TRAPPC9: variants seen among roughly 807,000 people sequenced by gnomAD.
The protein encoded by TRAPPC9 is IKK2 binding protein.
In TRAPPC9, 83 loss-of-function variants were observed where a neutral mutation model predicts 124.0. The ratio of observed to expected loss-of-function variants is 0.67; its 90% confidence interval spans 0.56 to 0.80. The LOEUF is 0.80. Ranked by LOEUF, TRAPPC9 falls within the 30% of genes least tolerant of loss-of-function variation. The probability of loss-of-function intolerance (pLI) is 0.00; values close to 1 mark genes in which losing one functional copy is unlikely to be tolerated. For synonymous variants in TRAPPC9, 638 were observed against 617.5 expected, an observed-to-expected ratio of 1.03 and a Z score of -0.49; for missense variants, 1,302 against 1,508.3, an observed-to-expected ratio of 0.86 and a Z score of 2.27.
At chr8:140,174,037 T>C (rs934402105) in intron 17 of TRAPPC9, among the ~76,000 whole-genome samples, 1 of 152,178 alleles carries the variant, frequency 6.6e-6, no homozygotes, top group African/African-American at 2.4e-5. Flanking sequence ...TTATAATCAT[T>C]ATTCAGAAGA....
chr8:139,968,847 C>T (rs974603426), intron 19 of TRAPPC9, among the ~76,000 whole-genome samples: 1 of 152,176 alleles, frequency 6.6e-6, no homozygotes, highest in African/African-American at 2.4e-5. Flanking sequence ...CCCGAGATTA[C>T]ACCACATGCA....
chr8:139,892,142 G>C (rs923781283), intron 20 of TRAPPC9, among the ~76,000 whole-genome samples: 13 of 152,360 alleles, frequency 8.5e-5, no homozygotes, highest in African/African-American at 3.1e-4. Flanking sequence ...CCGCACAAAG[G>C]CAAGGCTGCT....
At chr8:139,945,729 G>C (rs531761792) in intron 19 of TRAPPC9, among the ~76,000 whole-genome samples, 2 of 152,202 alleles carry the variant, frequency 1.3e-5, no homozygotes, top group South Asian at 4.1e-4. Flanking sequence ...TGTGGGTCAT[G>C]AGACAAGTCT....
intron 18 of TRAPPC9, among the ~76,000 whole-genome samples, chr8:140,013,998 A>T (rs983097025): frequency 6.6e-6 from 1 of 152,166 alleles, no homozygotes. Flanking sequence ...AATTCTTGTT[A>T]AATTTAAAAC....
intron 17 of TRAPPC9, among the ~76,000 whole-genome samples, chr8:140,064,137 G>A (rs998807624): frequency 2.0e-5 from 3 of 151,854 alleles, no homozygotes; most frequent in African/African-American, 4.8e-5. Context: ...TTCCCAACTC[G>A]ACTGTTACAC....
intron 19 of TRAPPC9, among the ~76,000 whole-genome samples, chr8:139,918,859 C>T (rs1482965029): frequency 6.6e-6 from 1 of 152,234 alleles, no homozygotes; most frequent in African/African-American, 2.4e-5. Context: ...TGGGCTCCTC[C>T]TGCACCACGG....
intron 17 of TRAPPC9, among the ~76,000 whole-genome samples, chr8:140,112,740 T>C (rs1258612958): frequency 6.6e-6 from 1 of 152,188 alleles, no homozygotes; most frequent in Non-Finnish European, 1.5e-5. Context: ...CCCCTTTTAA[T>C]AGGTGGCCTT....
intron 21 of TRAPPC9, among the ~76,000 whole-genome samples, chr8:139,835,456 G>A (rs889261151): frequency 1.3e-5 from 2 of 152,222 alleles, no homozygotes; most frequent in South Asian, 2.1e-4. Flanking sequence ...CTGTGATGGC[G>A]CGCACGTTCG....
At chr8:140,238,967 TG>T (rs1297046842) in intron 16 of TRAPPC9, among the ~76,000 whole-genome samples, 1 of 152,042 alleles carries the variant, frequency 6.6e-6, no homozygotes, top group African/African-American at 2.4e-5. Flanking sequence ...AAGGCTAGGG[TG>T]GGCTGGCAAG....
At chr8:139,917,590 C>T (rs915970724) in intron 19 of TRAPPC9, among the ~76,000 whole-genome samples, 1 of 152,214 alleles carries the variant, frequency 6.6e-6, no homozygotes, top group Admixed American at 6.5e-5. Context: ...AGCAATGGCG[C>T]CCCCGTCCCC....
At chr8:140,209,951 G>A (rs2063017664) in intron 17 of TRAPPC9, among the ~76,000 whole-genome samples, 1 of 152,252 alleles carries the variant, frequency 6.6e-6, no homozygotes, top group South Asian at 2.1e-4. Context: ...CTTCTACTTA[G>A]TAACTGCTTG....
intron 17 of TRAPPC9, among the ~76,000 whole-genome samples, chr8:140,193,219 T>G (rs1173247761): frequency 1.3e-5 from 2 of 152,244 alleles, no homozygotes; most frequent in African/African-American, 2.4e-5. Context: ...CTCATCAATC[T>G]AAAATGTGAA....
At chr8:140,039,104 C>G (rs140696219) in intron 17 of TRAPPC9, among the ~76,000 whole-genome samples, 235 of 152,324 alleles carry the variant, frequency 1.5e-3, no homozygotes, top group African/African-American at 5.4e-3. Flanking sequence ...TATCATTAGC[C>G]CTACGCTACT....
intron 21 of TRAPPC9, among the ~76,000 whole-genome samples, chr8:139,841,589 G>A (rs901857060): frequency 8.5e-5 from 13 of 152,230 alleles, no homozygotes; most frequent in African/African-American, 2.9e-4. Flanking sequence ...GGCAAGGCTG[G>A]CCAGGTAGGG....
At chr8:140,120,752 A>T (rs977186815) in intron 17 of TRAPPC9, among the ~76,000 whole-genome samples, 1 of 150,070 alleles carries the variant, frequency 6.7e-6, no homozygotes, top group Non-Finnish European at 1.5e-5. Context: ...CCATCCATTC[A>T]TTCATCCATC....
rs181202587 is a variant in TRAPPC9 at position 140,252,662 on chromosome 8, G to C, written c.2431+115C>G. On this transcript the variant is annotated intron_variant, in intron 16 of 22. Transcript: ENST00000438773. This position sits in a 1 kb window ranked among gnomAD's most constrained non-coding sequence, Gnocchi z 4.2. ...GCCCAGGAGATGTCTCAGGCAGCTT[G>C]AGTTAATGAATGACAAGTGAGTTAC... 8.0e-7 allele frequency: 1 copy of C among 1,253,630 alleles called. No individual in the cohort carries two copies. The highest frequency in any genetic ancestry group is 1.5e-5 in the African/African-American group (1 of 68,426). 77.7% of individuals were successfully genotyped at this position (1,253,630 alleles called of 1,614,324 possible). A position where few individuals can be genotyped will look rare whatever the true frequency, so the allele number is the denominator to read the frequency against.
At chr8:140,316,574 C>A (rs570767947) in intron 9 of TRAPPC9, among the ~76,000 whole-genome samples, 2 of 152,154 alleles carry the variant, frequency 1.3e-5, no homozygotes, top group Non-Finnish European at 2.9e-5. Flanking sequence ...CAACCATGTT[C>A]GCATCCCTGG....
intron 10 of TRAPPC9, among the ~76,000 whole-genome samples, chr8:140,308,158 C>T (rs757192295): frequency 2.0e-5 from 3 of 151,978 alleles, no homozygotes; most frequent in Middle Eastern, 3.4e-3. Context: ...GGAACAAAAC[C>T]GGCCACACAT....
At chr8:140,126,491 C>A (rs1365171352) in intron 17 of TRAPPC9, among the ~76,000 whole-genome samples, 1 of 152,100 alleles carries the variant, frequency 6.6e-6, no homozygotes, top group Non-Finnish European at 1.5e-5. Context: ...ATCAGACACT[C>A]GTAAGAACAT....
Sources: gnomAD v4.1 joint callset for allele counts (sites outside exome capture counted in the v4.1 genomes callset) on GRCh38, gnomAD v4.1.1 for gene constraint, Gnocchi (gnomAD v3.1) non-coding constraint, MANE v1.5 for transcripts, NCBI Gene and HGNC (gene_info 2026-07-23, HGNC 2026-07-21) for gene names.